KLHL20: variants seen among roughly 807,000 people sequenced by gnomAD.
KLHL20 encodes the protein kelch-like protein 20.
In KLHL20, 29 loss-of-function variants were observed where a neutral mutation model predicts 69.5. The observed-to-expected ratio is 0.42, with a 90% CI of 0.31 to 0.57. The LOEUF is 0.57. Among genes scored for constraint, KLHL20 ranks in the 20% least tolerant of loss-of-function variants. KLHL20 has a pLI of 0.18. For missense variants in KLHL20, 419 were observed against 776.0 expected, an observed-to-expected ratio of 0.54 and a Z score of 5.47; for synonymous variants, 253 against 265.2, an observed-to-expected ratio of 0.95 and a Z score of 0.45.
intron 11 of KLHL20, 29 bp downstream of exon 11, chr1:173,782,259 C>G: frequency 6.7e-7 from 1 of 1,490,362 alleles, no homozygotes; most frequent in East Asian, 2.3e-5. Context: ...AGCAAATCAC[C>G]TCACTACTGA....
At chr1:173,716,644 A>G (rs1211495271) in intron 2 of KLHL20, among the ~76,000 whole-genome samples, 3 of 152,128 alleles carry the variant, frequency 2.0e-5, no homozygotes, top group Admixed American at 1.3e-4. Flanking sequence ...GAATTTAATA[A>G]TGTTTTTTCT....
At chr1:173,720,369 T>C (rs190431585) in intron 2 of KLHL20, among the ~76,000 whole-genome samples, 16 of 150,956 alleles carry the variant, frequency 1.1e-4, no homozygotes, top group African/African-American at 2.9e-4. Flanking sequence ...AGACCCAGAA[T>C]TGTCTGACAT....
intron 10 of KLHL20, among the ~76,000 whole-genome samples, chr1:173,777,634 T>A (rs1423100876): frequency 2.0e-5 from 3 of 152,234 alleles, no homozygotes; most frequent in African/African-American, 7.2e-5. Flanking sequence ...ATGCTTACTT[T>A]TATCAAATGC....
At chr1:173,741,227 A>G (rs1026845015) in intron 3 of KLHL20, among the ~76,000 whole-genome samples, 16 of 152,160 alleles carry the variant, frequency 1.1e-4, no homozygotes, top group African/African-American at 3.1e-4. Context: ...TTTTCCTGGT[A>G]TGTTCCTGTG....
chr1:173,750,017 G>C (rs2102495893), intron 3 of KLHL20, among the ~76,000 whole-genome samples: 1 of 152,154 alleles, frequency 6.6e-6, no homozygotes. Flanking sequence ...GTAATTTATA[G>C]TATAAGTATG....
chr1:173,748,813 T>C (rs2102494525), intron 3 of KLHL20, among the ~76,000 whole-genome samples: 1 of 152,320 alleles, frequency 6.6e-6, no homozygotes, highest in Admixed American at 6.5e-5. Context: ...GGTAATATTC[T>C]GTATCTTGAT....
chr1:173,772,429 TTAA>T (rs1345798337), intron 8 of KLHL20, among the ~76,000 whole-genome samples: 1 of 152,230 alleles, frequency 6.6e-6, no homozygotes, highest in African/African-American at 2.4e-5. Context: ...ATATGAGTTC[TTAA>T]TGATAAACTT....
chr1:173,768,050 AT>A (rs373355583), intron 8 of KLHL20, among the ~76,000 whole-genome samples: 24 of 152,200 alleles, frequency 1.6e-4, no homozygotes, highest in African/African-American at 5.8e-4. Flanking sequence ...ATCTGTTCTG[AT>A]TTTTTTCCTG....
intron 8 of KLHL20, 73 bp from the exon 9 acceptor site, chr1:173,774,232 T>TG (rs1648301024): frequency 1.3e-6 from 2 of 1,569,300 alleles, no homozygotes; most frequent in Non-Finnish European, 8.8e-7. Flanking sequence ...ATATCGTTAG[T>TG]GTGATTTCAG....
chr1:173,745,736 A>C (rs1220292897), intron 3 of KLHL20, among the ~76,000 whole-genome samples: 1 of 152,146 alleles, frequency 6.6e-6, no homozygotes, highest in Non-Finnish European at 1.5e-5. Context: ...TAACTCTAGT[A>C]AAATGTTAAA....
intron 10 of KLHL20, among the ~76,000 whole-genome samples, chr1:173,778,564 C>T (rs1648639062): frequency 6.6e-6 from 1 of 151,802 alleles, no homozygotes; most frequent in South Asian, 2.1e-4. Context: ...GTCTCAAACT[C>T]CTGAGCTCAA....
Position 173,775,749 on chromosome 1 carries a change from A to G in KLHL20, c.1545A>G (p.Arg515=), listed in dbSNP as rs767892690. Reference sequence around the variant, plus strand: ...ACATGATCTATGCTGTAGGAGGTAGAGATGACACTACAGAGCTGAGCAGTG... The same window carrying G: ...ACATGATCTATGCTGTAGGAGGTAGGGATGACACTACAGAGCTGAGCAGTG... ...YQDMIYAVGG[R]DDTTELSSAE... is the part of the protein sequence containing the mutation. Residue 515 remains arginine (R), a synonymous_variant, in exon 10 of 12, where the codon AGA becomes AGG. Transcript: ENST00000209884. 1.2e-6 allele frequency: 2 copies of G among 1,614,220 alleles called. No individual in the cohort carries two copies.
At chr1:173,737,015 T>G (rs1672569390) in intron 3 of KLHL20, among the ~76,000 whole-genome samples, 1 of 152,262 alleles carries the variant, frequency 6.6e-6, no homozygotes, top group African/African-American at 2.4e-5. Flanking sequence ...GTTGGCCATT[T>G]GTATATCTTC....
intron 2 of KLHL20, among the ~76,000 whole-genome samples, chr1:173,721,994 T>C (rs142830036): frequency 1.3e-5 from 2 of 152,336 alleles, no homozygotes; most frequent in East Asian, 1.9e-4. Flanking sequence ...TTAGTCCATT[T>C]TGCATTGCAA....
chr1:173,752,491 A>C (rs1456556732), intron 4 of KLHL20, among the ~76,000 whole-genome samples: 1 of 152,222 alleles, frequency 6.6e-6, no homozygotes, highest in Non-Finnish European at 1.5e-5. Context: ...TGAACAAAAG[A>C]AAGCAAGGAT....
chr1:173,781,122 G>A (rs559210343), intron 10 of KLHL20, among the ~76,000 whole-genome samples: 1 of 152,158 alleles, frequency 6.6e-6, no homozygotes, highest in East Asian at 1.9e-4. Context: ...TGTGAAAAAT[G>A]TATGTTATCT....
chr1:173,735,657 T>TA (rs1672495653), intron 3 of KLHL20, among the ~76,000 whole-genome samples: 1 of 152,148 alleles, frequency 6.6e-6, no homozygotes, highest in South Asian at 2.1e-4. Flanking sequence ...ATTATATGAA[T>TA]AAGTTCTTCA....
intron 2 of KLHL20, among the ~76,000 whole-genome samples, chr1:173,730,907 A>G (rs1395481715): frequency 6.6e-6 from 1 of 152,198 alleles, no homozygotes; most frequent in African/African-American, 2.4e-5. Flanking sequence ...GCACAGCAAA[A>G]GAAACTACCA....
intron 3 of KLHL20, among the ~76,000 whole-genome samples, chr1:173,746,454 T>G (rs969358407): frequency 2.6e-5 from 4 of 152,124 alleles, no homozygotes; most frequent in Non-Finnish European, 5.9e-5. Flanking sequence ...TTCTATGAAA[T>G]TTTCTTTCTT....
Sources: gnomAD v4.1 joint callset for allele counts (sites outside exome capture counted in the v4.1 genomes callset) on GRCh38, gnomAD v4.1.1 for gene constraint, MANE v1.5 for transcripts, NCBI Gene and HGNC (gene_info 2026-07-23, HGNC 2026-07-21) for gene names.